The following USP50 variants were observed in gnomAD, a reference collection of about 807,000 sequenced individuals.
The protein encoded by USP50 is ubiquitin specific peptidase 50, also known as ubiquitin carboxyl-terminal hydrolase 50.
A neutral mutation model predicts 39.2 loss-of-function variants in USP50; 37 were observed. The observed-to-expected ratio is 0.94, with a 90% CI of 0.73 to 1.24. The LOEUF (loss-of-function observed/expected upper bound fraction) is 1.24, where lower values mean the gene tolerates loss of function less well. Among genes scored for constraint, USP50 ranks in the 50% most tolerant of loss-of-function variants. The pLI, the probability that USP50 is intolerant of heterozygous loss-of-function variation, is 0.00. For missense variants in USP50, 374 were observed against 398.2 expected, an observed-to-expected ratio of 0.94 and a Z score of 0.52; for synonymous variants, 139 against 144.5, an observed-to-expected ratio of 0.96 and a Z score of 0.27.
intron 6 of USP50, among the ~76,000 whole-genome samples, chr15:50,515,256 T>TG (rs1158513458): frequency 1.2e-4 from 19 of 152,070 alleles, no homozygotes; most frequent in Non-Finnish European, 2.2e-4. Context: ...TTGTTGTTGT[T>TG]TTTGAGACGG....
chr15:50,534,906 C>T (rs957038247), intron 5 of USP50, among the ~76,000 whole-genome samples: 2 of 152,176 alleles, frequency 1.3e-5, no homozygotes, highest in African/African-American at 2.4e-5. Flanking sequence ...TTTGGGAGGC[C>T]GAGGTGGGCG....
At chr15:50,513,908 A>C (rs934576241) in intron 6 of USP50, 1 of 152,110 alleles carries the variant, frequency 6.6e-6, no homozygotes, top group Non-Finnish European at 1.5e-5. Context: ...CAGGAGTTTC[A>C]CTCCTAGGTA....
At chr15:50,537,610 G>C (rs2141376473) in intron 5 of USP50, among the ~76,000 whole-genome samples, 1 of 149,896 alleles carries the variant, frequency 6.7e-6, no homozygotes, top group East Asian at 2.0e-4. Context: ...TATAATCCAA[G>C]CACTTTGGGA....
chr15:50,495,228 T>TTG lies in USP50; in HGVS notation n.185-1100_185-1099dup, dbSNP rs147661253. Among the ~76,000 whole-genome samples, 10 of 104,494 alleles carry TTG rather than the reference T, an allele frequency of 9.6e-5. 2 individuals carry two copies. Among genetic ancestry groups the TTG allele is most frequent in the Admixed American group, 1.4e-4 (1 of 7,132 alleles). 68.6% of individuals were successfully genotyped at this position (104,494 alleles called of 152,430 possible). ...TACACACACACCTACACAAAAATAT[T>TTG]TGTGTATATATATATACGTGTATAT... On this transcript the variant is annotated intron_variant and non_coding_transcript_variant, in intron 1 of 1. Coordinates refer to the USP50 transcript ENST00000560159.
intron 6 of USP50, among the ~76,000 whole-genome samples, chr15:50,525,536 ATGTATATATGTATATATG>A: frequency 1.2e-5 from 1 of 84,178 alleles, no homozygotes; most frequent in Non-Finnish European, 2.3e-5. Context: ...GTATATGTAT[ATGTATATATGTATATATG>A]TGTATATATG....
intron 3 of USP50, among the ~76,000 whole-genome samples, chr15:50,542,480 CAT>C (rs2053037453): frequency 3.6e-5 from 4 of 111,228 alleles, no homozygotes; most frequent in African/African-American, 9.5e-5. Context: ...TTTTCCTTTT[CAT>C]TTTTTTTTTT....
intron 6 of USP50, among the ~76,000 whole-genome samples, chr15:50,525,520 ATATATG>A (rs1185233597): frequency 1.9e-4 from 19 of 101,346 alleles, no homozygotes; most frequent in Non-Finnish European, 2.5e-4. Flanking sequence ...ATATATATGT[ATATATG>A]TATATGTATA....
chr15:50,516,543 G>T (rs2052805093), intron 6 of USP50, among the ~76,000 whole-genome samples: 1 of 152,138 alleles, frequency 6.6e-6, no homozygotes, highest in African/African-American at 2.4e-5. Flanking sequence ...CTTAAACCCA[G>T]GAGGCGGAGG....
chr15:50,537,774 G>A (rs1232634703), intron 5 of USP50, among the ~76,000 whole-genome samples: 2 of 146,518 alleles, frequency 1.4e-5, no homozygotes, highest in African/African-American at 2.5e-5. Flanking sequence ...GCAGGAGAAT[G>A]GCTTGAACTA....
chr15:50,513,591 A>T (rs1464870045), intron 6 of USP50: 1 of 152,034 alleles, frequency 6.6e-6, no homozygotes, highest in Non-Finnish European at 1.5e-5. Flanking sequence ...CTCAAGATTT[A>T]AAAAGAACTA....
chr15:50,513,201 C>A (rs748429253), intron 6 of USP50: 2 of 152,058 alleles, frequency 1.3e-5, no homozygotes, highest in African/African-American at 2.4e-5. Context: ...AGTGACCTCA[C>A]TCCTAAGTAT....
chr15:50,517,627 T>C (rs1310816309), intron 6 of USP50, among the ~76,000 whole-genome samples: 1 of 152,034 alleles, frequency 6.6e-6, no homozygotes, highest in African/African-American at 2.4e-5. Flanking sequence ...GGTCCAAAAA[T>C]AAATCAAAAA....
downstream of USP50, chr15:50,498,508 G>C: frequency 6.9e-7 from 1 of 1,440,886 alleles, no homozygotes; most frequent in African/African-American, 1.4e-5. Context: ...GGATTTTACA[G>C]TCCTGGCTAA....
intron 6 of USP50, among the ~76,000 whole-genome samples, chr15:50,515,594 A>C (rs1182409284): frequency 6.6e-6 from 1 of 151,974 alleles, no homozygotes; most frequent in African/African-American, 2.4e-5. Flanking sequence ...GGACAGTTTA[A>C]GAAAGAAAAT....
chr15:50,546,342 C>T (rs2053070746), intron 1 of USP50, 131 bp downstream of exon 1: 1 of 893,994 alleles, frequency 1.1e-6, no homozygotes, highest in Admixed American at 2.2e-5. Context: ...ATCTTCCTTC[C>T]TTTCCGGGGA....
chr15:50,500,841 T>C lies in USP50; in HGVS notation c.937-4A>G. ...CATCCAAATCACCAAAATGGTTCTATGGGAGAAAGGAATGTCAAACTTAGT... is the reference window on the plus strand; with the variant it reads ...CATCCAAATCACCAAAATGGTTCTACGGGAGAAAGGAATGTCAAACTTAGT... On this transcript the variant is annotated splice_region_variant and splice_polypyrimidine_tract_variant and intron_variant, in intron 6 of 6. Transcript: ENST00000532404. 2 of 1,575,310 alleles carry C rather than the reference T, an allele frequency of 1.3e-6. No homozygotes were observed. Among genetic ancestry groups the C allele is most frequent in the Non-Finnish European group, 1.7e-6 (2 of 1,159,522 alleles).
Position 50,529,935 on chromosome 15 carries a change from G to T in USP50, c.804-6C>A, listed in dbSNP as rs750515453. 6.8e-6 allele frequency: 11 copies of T among 1,612,968 alleles called. No individual in the cohort carries two copies. In the South Asian group the frequency reaches 8.8e-5, roughly 13 times the overall value. ...TTGTACCCTGAATGTCAAACCTGCA[G>T]GTATAATAAATGTGTGAAATACAAA... On this transcript the variant is annotated splice_region_variant and splice_polypyrimidine_tract_variant and intron_variant, in intron 5 of 6. Coordinates refer to ENST00000532404, the MANE Select transcript of USP50 (RefSeq NM_203494.5).
intron 1 of USP50, among the ~76,000 whole-genome samples, chr15:50,495,189 G>GAT (rs147090227): frequency 1.3e-3 from 192 of 146,760 alleles, no homozygotes; most frequent in South Asian, 4.6e-3. Flanking sequence ...CCACTGAACA[G>GAT]ATATATATAT....
intron 6 of USP50, among the ~76,000 whole-genome samples, chr15:50,526,246 G>C (rs1159778413): frequency 3.3e-5 from 5 of 152,056 alleles, no homozygotes; most frequent in African/African-American, 9.7e-5. Context: ...TTTTTGTAGA[G>C]ATGGGGATTC....
Sources: gnomAD v4.1 joint callset for allele counts (sites outside exome capture counted in the v4.1 genomes callset) on GRCh38, gnomAD v4.1.1 for gene constraint, MANE v1.5 for transcripts, NCBI Gene and HGNC (gene_info 2026-07-23, HGNC 2026-07-21) for gene names.